IQCE: variants seen among roughly 807,000 people sequenced by gnomAD.
IQCE encodes IQ motif containing E.
A neutral mutation model predicts 96.0 loss-of-function variants in IQCE; 115 were observed. The ratio of observed to expected loss-of-function variants is 1.20; its 90% CI spans 1.03 to 1.40. The LOEUF is 1.40. IQCE is among the 40% of genes most tolerant of loss of function. The probability of loss-of-function intolerance (pLI) is 0.00; values close to 1 mark genes in which losing one functional copy is unlikely to be tolerated. For missense variants in IQCE, 1,041 were observed against 909.1 expected (o/e 1.15, Z -1.87); for synonymous variants, 412 against 371.2 (o/e 1.11, Z -1.26).
intron 5 of IQCE, chr7:2,572,802 C>A (rs1488513828): frequency 6.6e-6 from 3 of 451,214 alleles, no homozygotes; most frequent in Non-Finnish European, 1.3e-5. Context: ...CCTTGGCCTC[C>A]CAGAATCCTG....
intron 21 of IQCE, among the ~76,000 whole-genome samples, chr7:2,609,704 G>A (rs1379396939): frequency 6.6e-6 from 1 of 151,454 alleles, no homozygotes; most frequent in African/African-American, 2.4e-5. Context: ...TAGCAGGTGT[G>A]TAAGTTGGTC....
chr7:2,595,281 G>T (rs1783936460), intron 16 of IQCE, among the ~76,000 whole-genome samples: 1 of 152,208 alleles, frequency 6.6e-6, no homozygotes, highest in African/African-American at 2.4e-5. Context: ...TCACTGAGAG[G>T]CAGGAGGGGC....
chr7:2,590,009 C>A lies in IQCE; in HGVS notation c.1147C>A (p.Arg383=). 1 of 1,613,860 alleles carries A rather than the reference C, an allele frequency of 6.2e-7. No individual in the cohort carries two copies. Residue 383 remains arginine, a synonymous_variant, in exon 14 of 22, where the codon CGA becomes AGA. Transcript: ENST00000402050. ...ASSSALHRQP[R]GDRNKDHERL... is the part of the protein sequence containing the mutation. Reference sequence around the variant, plus strand: ...CAGCTCTGCGCTGCACAGACAGCCACGAGGGGACCGCAACAAGGACCACGA... The same window carrying A: ...CAGCTCTGCGCTGCACAGACAGCCAAGAGGGGACCGCAACAAGGACCACGA...
chr7:2,607,972 G>A (rs751646313), intron 21 of IQCE, among the ~76,000 whole-genome samples: 4 of 152,188 alleles, frequency 2.6e-5, no homozygotes, highest in Admixed American at 6.5e-5. Context: ...AGTGTCAGGC[G>A]AAGGGCTTTG....
intron 1 of IQCE, among the ~76,000 whole-genome samples, chr7:2,562,119 A>G (rs1781007303): frequency 6.6e-6 from 1 of 152,166 alleles, no homozygotes; most frequent in African/African-American, 2.4e-5. Flanking sequence ...GATTTTGTCA[A>G]ACATACCTTC....
rs1784888923 is a variant in IQCE, at chr7:2,607,108, T to TGCAAGC, written c.1866-16_1866-15insGCAAGC. 6.3e-7 allele frequency: 1 copy of TGCAAGC among 1,579,826 alleles called. No individual in the cohort carries two copies. Among genetic ancestry groups the TGCAAGC allele is most frequent in the South Asian group, 1.2e-5 (1 of 86,120 alleles). On this transcript the variant is annotated splice_polypyrimidine_tract_variant and intron_variant, in intron 20 of 21. Coordinates refer to ENST00000402050, the MANE Select transcript of IQCE (RefSeq NM_152558.5). ...TCTAAAAGCAGAATCAGCTGGCGTTTTCTGTTTTTTTCCAGTGCTACCGGT... is the reference window on the plus strand; with the variant it reads ...TCTAAAAGCAGAATCAGCTGGCGTTTGCAAGCTCTGTTTTTTTCCAGTGCTACCGGT...
At chr7:2,608,160 C>A (rs1159273103) in intron 21 of IQCE, among the ~76,000 whole-genome samples, 1 of 152,232 alleles carries the variant, frequency 6.6e-6, no homozygotes, top group Non-Finnish European at 1.5e-5. Flanking sequence ...AATGTCCCTT[C>A]AGGACGGGCC....
intron 13 of IQCE, among the ~76,000 whole-genome samples, chr7:2,588,942 G>A (rs191587094): frequency 9.9e-5 from 15 of 152,202 alleles, no homozygotes; most frequent in Admixed American, 9.2e-4. Flanking sequence ...TGGGATTACA[G>A]TCGTGAGCCA....
intron 16 of IQCE, among the ~76,000 whole-genome samples, chr7:2,596,314 G>GGAGAGA (rs140066878): frequency 2.7e-5 from 4 of 148,040 alleles, no homozygotes; most frequent in African/African-American, 9.9e-5. Flanking sequence ...TGAAAATAGA[G>GGAGAGA]GAGAGAGAGA....
At chr7:2,601,033 G>A (rs559843624) in intron 17 of IQCE, among the ~76,000 whole-genome samples, 5 of 152,102 alleles carry the variant, frequency 3.3e-5, no homozygotes, top group Admixed American at 6.5e-5. Flanking sequence ...CTCAGCCTCC[G>A]AGTTCTGGGG....
intron 3 of IQCE, 36 bp from the exon 4 acceptor site, chr7:2,571,490 T>C: frequency 6.2e-7 from 1 of 1,603,784 alleles, no homozygotes. Flanking sequence ...CATGTTGCTG[T>C]CCGGCACCTC....
intron 6 of IQCE, among the ~76,000 whole-genome samples, chr7:2,577,577 G>A (rs1337703079): frequency 7.3e-6 from 1 of 137,884 alleles, no homozygotes; most frequent in Non-Finnish European, 1.5e-5. Context: ...ACGTGTGTGC[G>A]GCGTGCCCGC....
chr7:2,593,017 T>C lies in IQCE; in HGVS notation c.1245-5T>C. On this transcript the variant is annotated splice_polypyrimidine_tract_variant and splice_region_variant and intron_variant, in intron 14 of 21. Coordinates refer to ENST00000402050, the MANE Select transcript of IQCE (RefSeq NM_152558.5). ...CGCTGACGAGTCTCCTATTCTTGTG[T>C]GCAGTTTGGAGGTGAAGCAGCTCCT... 2 of 1,598,682 alleles carry C rather than the reference T, an allele frequency of 1.3e-6. No individual in the cohort carries two copies. The highest frequency in any genetic ancestry group is 1.7e-6 in the Non-Finnish European group (2 of 1,168,968).
intron 6 of IQCE, among the ~76,000 whole-genome samples, chr7:2,575,382 C>T (rs1271979024): frequency 5.3e-5 from 8 of 152,222 alleles, no homozygotes; most frequent in South Asian, 2.1e-4. Flanking sequence ...CTGCTGATGC[C>T]GCCCTAGCTA....
rs6963930 is a variant in IQCE at position 2,559,123 on chromosome 7, T to C, written c.-59T>C. The C allele has an allele frequency of 0.39, 436,979 of 1,130,726 alleles. 88,794 individuals are homozygous for C. The highest frequency in any genetic ancestry group is 0.69 in the African/African-American group (42,268 of 61,532). 70.0% of individuals were successfully genotyped at this position (1,130,726 alleles called of 1,614,324 possible). On this transcript the variant is annotated 5_prime_UTR_variant, in exon 1 of 22. Coordinates refer to ENST00000402050, the MANE Select transcript of IQCE (RefSeq NM_152558.5). ...CGGGCGGCCAGGGCTGCCCGCGGATTCCCAGACCCGGACGCCCGAGCCAGC... is the reference window on the plus strand; with the variant it reads ...CGGGCGGCCAGGGCTGCCCGCGGATCCCCAGACCCGGACGCCCGAGCCAGC...
At chr7:2,595,062 T>A in intron 16 of IQCE, 86 bp downstream of exon 16, 1 of 902,806 alleles carries the variant, frequency 1.1e-6, no homozygotes, top group Non-Finnish European at 1.9e-6. Context: ...GTCCAGAGTT[T>A]TTTCTGACCA....
chr7:2,571,929 G>GTGGGCTGGTCAGTGTCATGC (rs1781781941), intron 4 of IQCE, among the ~76,000 whole-genome samples: 1 of 152,184 alleles, frequency 6.6e-6, no homozygotes, highest in South Asian at 2.1e-4. Flanking sequence ...TAGGAGTTTG[G>GTGGGCTGGTCAGTGTCATGC]TGGGCTGGTC....
At position 2,572,227 on chromosome 7, in the gene IQCE, T is replaced by G. The variant is rs751415342; in HGVS notation, c.295T>G (p.Trp99Gly). 2.2e-5 allele frequency: 36 copies of G among 1,614,016 alleles called. No homozygotes were observed. The highest frequency in any genetic ancestry group is 3.0e-5 in the Non-Finnish European group (35 of 1,179,988). ...LTQALNSPLT[W>G]EHAWTGVPGG... The stretch of plus-strand genomic sequence containing the variant: ...CCAGGCCCTGAACTCACCCCTCACC[T>G]GGGAGCATGCGTGGACTGGCGTCCC... Residue 99 changes from tryptophan to glycine, a missense_variant, in exon 5 of 22, where the codon TGG (tryptophan) becomes GGG (glycine). By Grantham distance (184) the Trp-to-Gly change is radical. Coordinates refer to ENST00000402050, the MANE Select transcript of IQCE (RefSeq NM_152558.5).
In IQCE at chr7:2,593,477, C is replaced by T. The variant is rs532369230; in HGVS notation, c.1349+351C>T. On this transcript the variant is annotated intron_variant, in intron 15 of 21. Coordinates refer to ENST00000402050, the MANE Select transcript of IQCE (RefSeq NM_152558.5). Reference sequence around the variant, plus strand: ...CGTGCCCTCACAGTAATGCCATTCGCGAGAGCCAGGAAGCAGCGCCCACCC... The same window carrying T: ...CGTGCCCTCACAGTAATGCCATTCGTGAGAGCCAGGAAGCAGCGCCCACCC... Among the ~76,000 whole-genome samples, 56 of 152,380 alleles carry T rather than the reference C, an allele frequency of 3.7e-4. No homozygotes were observed. The South Asian group carries it at 4.6e-3, about 12-fold the overall frequency.
Sources: allele counts gnomAD v4.1 joint callset (sites outside exome capture counted in the v4.1 genomes callset), GRCh38; gene constraint gnomAD v4.1.1; transcripts MANE v1.5; gene names NCBI Gene and HGNC (gene_info 2026-07-23, HGNC 2026-07-21).